Variants in GPC6 observed in about 807,000 individuals in gnomAD.
GPC6 encodes the protein glypican-6.
GPC6 carries 14 observed loss-of-function variants against 55.2 expected under a neutral mutation model. That is an observed-to-expected ratio of 0.25 (90% confidence interval 0.17 to 0.40). The LOEUF (loss-of-function observed/expected upper bound fraction) is 0.40, where lower values mean the gene tolerates loss of function less well. Among genes scored for constraint, GPC6 ranks in the 10% least tolerant of loss-of-function variants. The pLI is 1.00. For missense variants in GPC6, 641 were observed against 708.5 expected, an observed-to-expected ratio of 0.90 and a Z score of 1.08; for synonymous variants, 278 against 259.6, an observed-to-expected ratio of 1.07 and a Z score of -0.68.
At chr13:93,366,430 A>C (rs1220666451) in intron 1 of GPC6, among the ~76,000 whole-genome samples, 1 of 152,104 alleles carries the variant, frequency 6.6e-6, no homozygotes, top group Non-Finnish European at 1.5e-5. Context: ...TGTGCAGACT[A>C]CATGCAGTGT....
At chr13:94,147,587 G>A (rs1887607651) in intron 4 of GPC6, among the ~76,000 whole-genome samples, 1 of 152,104 alleles carries the variant, frequency 6.6e-6, no homozygotes, top group Non-Finnish European at 1.5e-5. Flanking sequence ...ATTAACCAAT[G>A]CCTCTTCCTT....
At chr13:93,718,925 C>G (rs1417830321) in intron 2 of GPC6, among the ~76,000 whole-genome samples, 1 of 152,002 alleles carries the variant, frequency 6.6e-6, no homozygotes, top group African/African-American at 2.4e-5. Flanking sequence ...GACCTCTGTT[C>G]TATTCCATTG....
intron 6 of GPC6, among the ~76,000 whole-genome samples, chr13:94,311,128 A>G (rs1876222209): frequency 6.6e-6 from 1 of 152,216 alleles, no homozygotes; most frequent in Non-Finnish European, 1.5e-5. Context: ...GCTGAGGACA[A>G]GAACACTCAG....
At chr13:94,168,579 T>C (rs909409553) in intron 4 of GPC6, among the ~76,000 whole-genome samples, 3 of 151,892 alleles carry the variant, frequency 2.0e-5, no homozygotes, top group African/African-American at 7.2e-5. Flanking sequence ...CTGGGCACTT[T>C]TGCCTTCATG....
chr13:94,386,879 T>C (rs1293673171), intron 7 of GPC6, among the ~76,000 whole-genome samples: 16 of 152,226 alleles, frequency 1.1e-4, no homozygotes, highest in African/African-American at 3.1e-4. Flanking sequence ...TTATTTTTCC[T>C]GATTACTTTC....
intron 6 of GPC6, among the ~76,000 whole-genome samples, chr13:94,348,501 T>C (rs1431604039): frequency 5.3e-5 from 8 of 152,214 alleles, no homozygotes; most frequent in Non-Finnish European, 1.0e-4. Context: ...TTTCCTCGAG[T>C]GGGAAGGATC....
chr13:93,966,998 A>G (rs1013627812), intron 3 of GPC6, among the ~76,000 whole-genome samples: 1 of 152,158 alleles, frequency 6.6e-6, no homozygotes, highest in Non-Finnish European at 1.5e-5. Flanking sequence ...GTGATGTCAT[A>G]GATTTAAACA....
At chr13:93,869,377 C>T (rs1889059507) in intron 3 of GPC6, among the ~76,000 whole-genome samples, 1 of 151,876 alleles carries the variant, frequency 6.6e-6, no homozygotes, top group African/African-American at 2.4e-5. Context: ...TGGTAGACTT[C>T]TATCTGGCAT....
At chr13:93,964,295 G>A (rs1879918028) in intron 3 of GPC6, among the ~76,000 whole-genome samples, 1 of 152,036 alleles carries the variant, frequency 6.6e-6, no homozygotes, top group Non-Finnish European at 1.5e-5. Context: ...TAACGTGGTG[G>A]TACTAACCCT....
At chr13:93,823,597 A>T (rs1216363198) in intron 2 of GPC6, among the ~76,000 whole-genome samples, 1 of 152,162 alleles carries the variant, frequency 6.6e-6, no homozygotes, top group Non-Finnish European at 1.5e-5. Flanking sequence ...TTTCAAATCC[A>T]CTTTTGTCTC....
At chr13:93,763,091 G>A (rs999802643) in intron 2 of GPC6, among the ~76,000 whole-genome samples, 2 of 152,112 alleles carry the variant, frequency 1.3e-5, no homozygotes. Flanking sequence ...TTTCATGATA[G>A]GATAATCAAT....
At chr13:94,202,994 C>T (rs997493338) in intron 4 of GPC6, among the ~76,000 whole-genome samples, 4 of 152,012 alleles carry the variant, frequency 2.6e-5, no homozygotes, top group African/African-American at 9.7e-5. Context: ...AGAAAAATCA[C>T]CAGATTCCTT....
chr13:93,645,868 A>G (rs1209805845), intron 2 of GPC6, among the ~76,000 whole-genome samples: 1 of 152,112 alleles, frequency 6.6e-6, no homozygotes, highest in Non-Finnish European at 1.5e-5. Flanking sequence ...ATCACGCTAA[A>G]GCACGTCTGC....
In GPC6 at chr13:93,595,416, A is replaced by G. The variant is rs184521687; in HGVS notation, c.319+49995A>G. ...CGTTAATCACTTTAAATAAAGTGTA[A>G]TTTCTTTTCTAATCAGAAAATAATC... On this transcript the variant is annotated intron_variant, in intron 2 of 8. Coordinates refer to ENST00000377047, the MANE Select transcript of GPC6 (RefSeq NM_005708.5). Among the ~76,000 whole-genome samples, 103 of 152,294 alleles carry G rather than the reference A, an allele frequency of 6.8e-4. 1 individual carries two copies. Among genetic ancestry groups the G allele is most frequent in the Non-Finnish European group, 2.2e-4 (15 of 68,010 alleles).
chr13:93,966,354 A>G (rs1042934212), intron 3 of GPC6, among the ~76,000 whole-genome samples: 2 of 152,200 alleles, frequency 1.3e-5, no homozygotes, highest in Admixed American at 1.3e-4. Flanking sequence ...AGAGTGAGCC[A>G]AGGTATATGT....
chr13:93,243,864 G>A (rs550877940), intron 1 of GPC6, among the ~76,000 whole-genome samples: 15 of 152,228 alleles, frequency 9.9e-5, no homozygotes, highest in East Asian at 5.8e-4. Context: ...AGGAGGTAGC[G>A]CTTGTAGGAG....
intron 4 of GPC6, among the ~76,000 whole-genome samples, chr13:94,177,913 T>G (rs1888842509): frequency 6.6e-6 from 1 of 152,202 alleles, no homozygotes; most frequent in African/African-American, 2.4e-5. Context: ...AAATACTTTT[T>G]ATATTCTATC....
At chr13:93,792,670 A>G (rs1333798432) in intron 2 of GPC6, among the ~76,000 whole-genome samples, 6 of 152,200 alleles carry the variant, frequency 3.9e-5, no homozygotes, top group African/African-American at 9.6e-5. Context: ...TCGCATAATG[A>G]GGCTTTGTAG....
intron 1 of GPC6, among the ~76,000 whole-genome samples, chr13:93,290,738 A>G (rs1002347104): frequency 1.1e-4 from 16 of 152,190 alleles, no homozygotes; most frequent in Admixed American, 5.9e-4. Flanking sequence ...TTTGAAAAAA[A>G]TGAAACTTCT....
Sources: allele counts gnomAD v4.1 joint callset (sites outside exome capture counted in the v4.1 genomes callset), GRCh38; gene constraint gnomAD v4.1.1; transcripts MANE v1.5; gene names NCBI Gene and HGNC (gene_info 2026-07-23, HGNC 2026-07-21).